C6orf58: variants seen among roughly 807,000 people sequenced by gnomAD.
The protein encoded by C6orf58 is chromosome 6 open reading frame 58, also known as protein LEG1 homolog.
C6orf58 carries 30 observed loss-of-function variants against 37.0 expected under a neutral mutation model. The ratio of observed to expected loss-of-function variants is 0.81; its 90% CI spans 0.61 to 1.10. C6orf58 has a LOEUF of 1.10. C6orf58 is among the 50% of genes least tolerant of loss of function. The probability of loss-of-function intolerance (pLI) is 0.00; values close to 1 mark genes in which losing one functional copy is unlikely to be tolerated. For synonymous variants in C6orf58, 143 were observed against 134.1 expected, an observed-to-expected ratio of 1.07 and a Z score of -0.46; for missense variants, 368 against 387.5, an observed-to-expected ratio of 0.95 and a Z score of 0.42.
At chr6:127,587,915 T>TAA (rs1775122701) in intron 4 of C6orf58, among the ~76,000 whole-genome samples, 2 of 152,218 alleles carry the variant, frequency 1.3e-5, no homozygotes, top group Non-Finnish European at 1.5e-5. Context: ...TGACAGGGTT[T>TAA]AAAACAGGGC....
intron 2 of C6orf58, among the ~76,000 whole-genome samples, 151 bp from the exon 3 acceptor site, chr6:127,580,111 TAGG>T (rs1446156730): frequency 6.6e-6 from 1 of 152,098 alleles, no homozygotes; most frequent in African/African-American, 2.4e-5. Flanking sequence ...ATTTGATCCT[TAGG>T]GGGATTTTTG....
intron 3 of C6orf58, 64 bp from the exon 4 acceptor site, chr6:127,581,118 A>G: frequency 4.2e-6 from 3 of 719,930 alleles, no homozygotes; most frequent in Non-Finnish European, 4.3e-6. Context: ...GAACATGACT[A>G]AATTTCAGGG....
In C6orf58 at chr6:127,590,072, C is replaced by G. The variant is rs766216541; in HGVS notation, c.675-15C>G. On this transcript the variant is annotated splice_polypyrimidine_tract_variant and intron_variant, in intron 4 of 5. Coordinates refer to ENST00000329722, the MANE Select transcript of C6orf58 (RefSeq NM_001010905.3). ...TGACTAATTATAATTAAATACTTTT[C>G]CGTTTGTCTTTTAGATATGATTATT... is the stretch of plus-strand genomic sequence containing the variant. 1 of 1,560,300 alleles carries G rather than the reference C, an allele frequency of 6.4e-7. No individual in the cohort carries two copies. Among genetic ancestry groups the G allele is most frequent in the Non-Finnish European group, 8.8e-7 (1 of 1,135,458 alleles).
chr6:127,584,821 C>A (rs1311101993), intron 4 of C6orf58, among the ~76,000 whole-genome samples: 1 of 151,236 alleles, frequency 6.6e-6, no homozygotes, highest in Non-Finnish European at 1.5e-5. Flanking sequence ...ATTTCCAAAT[C>A]AGGTCAATAG....
At chr6:127,581,347 A>AT (rs1775048585) in intron 4 of C6orf58, 65 bp downstream of exon 4, 6 of 652,998 alleles carry the variant, frequency 9.2e-6, no homozygotes, top group South Asian at 6.6e-5. Flanking sequence ...TTATTTATAT[A>AT]TTTTTCTTCT....
chr6:127,590,036 A>G, intron 4 of C6orf58, 51 bp from the exon 5 acceptor site: 3 of 1,267,722 alleles, frequency 2.4e-6, no homozygotes, highest in South Asian at 2.7e-5. Context: ...AATGAGCTTG[A>G]ACTTCTGAGG....
rs774161660 is a variant in C6orf58 at position 127,590,158 on chromosome 6, C to T, written c.746C>T (p.Ala249Val). The change falls in exon 5 of 6, where the codon GCA becomes GTA. Residue 249 changes from alanine to valine, a missense_variant. Coordinates refer to ENST00000329722, the MANE Select transcript of C6orf58 (RefSeq NM_001010905.3). Reference protein sequence around the residue: ...SWVLAVDHLAAVLFPTTLIRS... With the variant: ...SWVLAVDHLAVVLFPTTLIRS... ...GTACTGGCTGTGGATCATTTAGCTG[C>T]AGTCCTCTTTCCTACAACCTTGATT... The T allele has an allele frequency of 1.8e-5, 29 of 1,613,676 alleles. No homozygotes were observed. The highest frequency in any genetic ancestry group is 8.3e-5 in the Admixed American group (5 of 59,996).
chr6:127,583,945 A>G (rs754890949), intron 4 of C6orf58, among the ~76,000 whole-genome samples: 2 of 152,170 alleles, frequency 1.3e-5, no homozygotes, highest in African/African-American at 4.8e-5. Context: ...ATAGGAGTGG[A>G]TTTGATTGCT....
In C6orf58 at chr6:127,591,555, C is replaced by T; in HGVS notation, c.926C>T (p.Thr309Ile). ...GTATCTTTTACAGGTTATCTTTGTA[C>T]AGAAAAATCTAATGTATATAGAGAT... is the stretch of plus-strand genomic sequence containing the variant. ...NVDKSIGYLCTEKSNVYRDHS... is the reference protein window; with the variant it reads ...NVDKSIGYLCIEKSNVYRDHS... Residue 309 changes from threonine (T) to isoleucine (I), a missense_variant, in exon 6 of 6, where the codon ACA becomes ATA. By Grantham distance (89) the Thr-to-Ile change is moderately conservative. Transcript: ENST00000329722. 6.6e-7 allele frequency: 1 copy of T among 1,520,268 alleles called. No homozygotes were observed. Among genetic ancestry groups the T allele is most frequent in the Non-Finnish European group, 8.8e-7 (1 of 1,142,716 alleles). 94.2% of individuals were successfully genotyped at this position (1,520,268 alleles called of 1,614,324 possible). A position where few individuals can be genotyped will look rare whatever the true frequency, so the allele number is the denominator to read the frequency against.
chr6:127,587,420 T>C (rs116054502), intron 4 of C6orf58, among the ~76,000 whole-genome samples: 2,692 of 152,294 alleles, frequency 0.018, 91 homozygotes, highest in African/African-American at 0.061. Flanking sequence ...TTAATAATAG[T>C]TCCTCAGGCA....
intron 4 of C6orf58, among the ~76,000 whole-genome samples, chr6:127,588,810 TTGTTA>T (rs1775132079): frequency 6.6e-6 from 1 of 152,192 alleles, no homozygotes; most frequent in Non-Finnish European, 1.5e-5. Context: ...GTTTAGTACA[TTGTTA>T]CTAGACCTCT....
intron 5 of C6orf58, among the ~76,000 whole-genome samples, chr6:127,590,605 T>C (rs966084059): frequency 7.9e-5 from 12 of 152,090 alleles, no homozygotes; most frequent in African/African-American, 2.9e-4. Context: ...TGTTTTGTTC[T>C]ACATACCGAT....
Position 127,580,431 on chromosome 6 carries a change from G to C in C6orf58, c.555G>C (p.Lys185Asn). The C allele has an allele frequency of 6.2e-7, 1 of 1,612,270 alleles. No individual in the cohort carries two copies. Among genetic ancestry groups the C allele is most frequent in the South Asian group, 1.1e-5 (1 of 91,004 alleles). ...CATCCTTCCCTGAGACAATGAACAA[G>C]TGGAACACCTTTTACCAGGTTCCTT... The part of the protein sequence containing the change: ...CRSSFPETMN[K>N]WNTFYQYLQS... Residue 185 changes from lysine to asparagine, a missense_variant, in exon 3 of 6, where the codon AAG becomes AAC. Lys to Asn is a moderately conservative substitution (Grantham distance 94). Transcript: ENST00000329722.
At chr6:127,580,731 A>T (rs776471298) in intron 3 of C6orf58, among the ~76,000 whole-genome samples, 8 of 152,140 alleles carry the variant, frequency 5.3e-5, no homozygotes, top group Non-Finnish European at 7.4e-5. Flanking sequence ...AGCTATTCTG[A>T]TTAATTGAGT....
At chr6:127,580,905 A>G (rs1775042699) in intron 3 of C6orf58, among the ~76,000 whole-genome samples, 1 of 152,140 alleles carries the variant, frequency 6.6e-6, no homozygotes, top group Admixed American at 6.6e-5. Context: ...AACAGTGTTA[A>G]CAGGAAAAAA....
intron 4 of C6orf58, among the ~76,000 whole-genome samples, chr6:127,587,044 A>G (rs1158369325): frequency 6.6e-6 from 1 of 152,200 alleles, no homozygotes; most frequent in Non-Finnish European, 1.5e-5. Flanking sequence ...TACAAATTAT[A>G]TCAGCATTAT....
chr6:127,590,439 T>A (rs1775150383), intron 5 of C6orf58, 114 bp downstream of exon 5: 1 of 686,058 alleles, frequency 1.5e-6, no homozygotes, highest in Non-Finnish European at 2.5e-6. Flanking sequence ...AATAAAGATT[T>A]CCCTGTGGGT....
intron 4 of C6orf58, among the ~76,000 whole-genome samples, chr6:127,589,556 G>A (rs1009379188): frequency 1.8e-4 from 28 of 152,256 alleles, no homozygotes; most frequent in East Asian, 9.6e-4. Flanking sequence ...TAATTACAGA[G>A]TCTTTTCTAA....
chr6:127,588,500 A>G (rs567902031), intron 4 of C6orf58, among the ~76,000 whole-genome samples: 1 of 152,342 alleles, frequency 6.6e-6, no homozygotes, highest in South Asian at 2.1e-4. Flanking sequence ...TACTTGAGAC[A>G]GTACTGTATA....
Sources: gnomAD v4.1 joint callset for allele counts (sites outside exome capture counted in the v4.1 genomes callset) on GRCh38, gnomAD v4.1.1 for gene constraint, MANE v1.5 for transcripts, NCBI Gene and HGNC (gene_info 2026-07-23, HGNC 2026-07-21) for gene names.